CEP128: variants seen among roughly 807,000 people sequenced by gnomAD.
CEP128 encodes centrosomal protein 128.
In CEP128, 132 loss-of-function variants were observed where a neutral mutation model predicts 156.7. The observed-to-expected ratio is 0.84, with a 90% CI of 0.73 to 0.97. The LOEUF is 0.97. CEP128 is among the 50% of genes least tolerant of loss of function. CEP128 has a pLI of 0.00. For synonymous variants in CEP128, 469 were observed against 448.9 expected (o/e 1.04, Z -0.57); for missense variants, 1,252 against 1,281.9 (o/e 0.98, Z 0.36).
At chr14:80,508,773 A>C (rs573672074) in intron 23 of CEP128, among the ~76,000 whole-genome samples, 1 of 152,310 alleles carries the variant, frequency 6.6e-6, no homozygotes, top group East Asian at 1.9e-4. Flanking sequence ...TTACTTAAAA[A>C]CTTTTTATGG....
intron 23 of CEP128, among the ~76,000 whole-genome samples, chr14:80,505,976 A>T (rs907417007): frequency 1.3e-5 from 2 of 152,238 alleles, no homozygotes; most frequent in Non-Finnish European, 2.9e-5. Flanking sequence ...CAAATAAATG[A>T]TATAATAAAA....
At position 80,778,010 on chromosome 14, in the gene CEP128, G is replaced by C. The variant is rs754064258; in HGVS notation, c.2248C>G (p.His750Asp). Residue 750 changes from histidine (H) to aspartate (D), a missense_variant, in exon 16 of 25, where the codon CAT (histidine) becomes GAT (aspartate). His to Asp is a moderately conservative substitution (Grantham distance 81). Coordinates refer to ENST00000555265, the MANE Select transcript of CEP128 (RefSeq NM_152446.5). ...SLEEKNMAKI[H>D]RGQLEKLKSQ... is the part of the protein sequence containing the mutation. ...TTCAACTTCTCCAGCTGACCACGATGAATTTTAGCCATATTCTTCTCTTCT... is the reference window on the plus strand; with the variant it reads ...TTCAACTTCTCCAGCTGACCACGATCAATTTTAGCCATATTCTTCTCTTCT... 2.7e-5 allele frequency: 44 copies of C among 1,613,296 alleles called. No homozygotes were observed. Among genetic ancestry groups the C allele is most frequent in the Non-Finnish European group, 3.6e-5 (43 of 1,179,844 alleles).
chr14:80,509,358 A>G (rs1479525746), intron 23 of CEP128, among the ~76,000 whole-genome samples: 2 of 152,126 alleles, frequency 1.3e-5, no homozygotes, highest in Non-Finnish European at 2.9e-5. Context: ...AGGTGAGATG[A>G]TATCTCAGAG....
intron 20 of CEP128, among the ~76,000 whole-genome samples, chr14:80,567,594 T>C (rs1309622809): frequency 6.6e-6 from 1 of 152,190 alleles, no homozygotes; most frequent in Admixed American, 6.5e-5. Context: ...GATTCTTCCT[T>C]TAAAGCACAA....
At chr14:80,687,602 A>G (rs1304832602) in intron 19 of CEP128, among the ~76,000 whole-genome samples, 1 of 152,150 alleles carries the variant, frequency 6.6e-6, no homozygotes, top group Non-Finnish European at 1.5e-5. Context: ...GAAGGGGAGA[A>G]GGGTTGAAAA....
At chr14:80,862,291 G>A (rs1887551181) in intron 9 of CEP128, among the ~76,000 whole-genome samples, 2 of 152,274 alleles carry the variant, frequency 1.3e-5, no homozygotes, top group Admixed American at 6.5e-5. Context: ...GAGTGGTTGT[G>A]CTCCAATAAA....
intron 9 of CEP128, among the ~76,000 whole-genome samples, chr14:80,854,632 A>T (rs1006493467): frequency 6.6e-6 from 1 of 152,138 alleles, no homozygotes; most frequent in Non-Finnish European, 1.5e-5. Context: ...TAAATAAATA[A>T]ATAAGCCTGT....
At chr14:80,557,805 T>G (rs1477723311) in intron 21 of CEP128, among the ~76,000 whole-genome samples, 2 of 152,098 alleles carry the variant, frequency 1.3e-5, no homozygotes, top group Admixed American at 1.3e-4. Flanking sequence ...TTATTAACCT[T>G]ATTATCTAAA....
intron 20 of CEP128, among the ~76,000 whole-genome samples, chr14:80,567,622 G>A (rs539570865): frequency 1.3e-5 from 2 of 152,208 alleles, no homozygotes; most frequent in Middle Eastern, 6.8e-3. Flanking sequence ...TGGTACATAG[G>A]TGTGTGCTAC....
At chr14:80,790,636 T>C (rs1254009128) in intron 14 of CEP128, among the ~76,000 whole-genome samples, 1 of 152,052 alleles carries the variant, frequency 6.6e-6, no homozygotes, top group Admixed American at 6.6e-5. Flanking sequence ...AGTAATGAAG[T>C]AGTTTTGTAA....
chr14:80,841,718 C>G (rs988680359), intron 9 of CEP128, among the ~76,000 whole-genome samples: 2 of 151,950 alleles, frequency 1.3e-5, no homozygotes, highest in Non-Finnish European at 2.9e-5. Flanking sequence ...ACGTCACTCA[C>G]CTACTTAGTG....
intron 19 of CEP128, among the ~76,000 whole-genome samples, chr14:80,642,555 T>C (rs530558552): frequency 6.6e-6 from 1 of 152,002 alleles, no homozygotes; most frequent in African/African-American, 2.4e-5. Context: ...TAGGGGTGCA[T>C]GCTTGTGGTC....
At chr14:80,540,352 T>TA (rs1367054097) in intron 21 of CEP128, among the ~76,000 whole-genome samples, 1 of 152,088 alleles carries the variant, frequency 6.6e-6, no homozygotes, top group Admixed American at 6.6e-5. Flanking sequence ...AGCTGACACT[T>TA]ACGGAAAATA....
intron 18 of CEP128, among the ~76,000 whole-genome samples, chr14:80,747,008 A>G (rs984706379): frequency 1.3e-5 from 2 of 152,372 alleles, no homozygotes; most frequent in African/African-American, 2.4e-5. Flanking sequence ...CATCAGGAAA[A>G]TGTAAATCAA....
At chr14:80,488,550 T>A (rs1414962338), downstream of CEP128, among the ~76,000 whole-genome samples, 1 of 151,730 alleles carries the variant, frequency 6.6e-6, no homozygotes, top group East Asian at 2.0e-4. Flanking sequence ...TGTAAACTAG[T>A]TCAACCATTG....
intron 9 of CEP128, among the ~76,000 whole-genome samples, chr14:80,843,550 T>C (rs117338752): frequency 0.05 from 7,637 of 152,110 alleles, 375 homozygotes; most frequent in South Asian, 0.22. Context: ...AATGAAAAAG[T>C]TATATCACTG....
chr14:80,523,031 C>G (rs1174938411), intron 23 of CEP128, among the ~76,000 whole-genome samples: 1 of 152,174 alleles, frequency 6.6e-6, no homozygotes, highest in Non-Finnish European at 1.5e-5. Flanking sequence ...GTGATTGCCA[C>G]AGGAATAAAC....
chr14:80,589,190 C>T (rs1203949472), intron 19 of CEP128, among the ~76,000 whole-genome samples: 1 of 152,026 alleles, frequency 6.6e-6, no homozygotes, highest in Admixed American at 6.6e-5. Flanking sequence ...CTTCAAGAGC[C>T]TTCAGAGAAT....
chr14:80,789,862 GTTT>G, intron 14 of CEP128, among the ~76,000 whole-genome samples: 1 of 151,178 alleles, frequency 6.6e-6, no homozygotes, highest in African/African-American at 2.4e-5. Context: ...CTTGCTCAAT[GTTT>G]TTTTTGTTGT....
Sources: allele counts gnomAD v4.1 joint callset (sites outside exome capture counted in the v4.1 genomes callset), GRCh38; gene constraint gnomAD v4.1.1; transcripts MANE v1.5; gene names NCBI Gene and HGNC (gene_info 2026-07-23, HGNC 2026-07-21).